Variants in TUB observed in about 807,000 individuals in gnomAD.
TUB encodes the protein tubby protein homolog.
TUB carries 33 observed loss-of-function variants against 59.7 expected under a neutral mutation model. That is an observed-to-expected ratio of 0.55 (90% CI 0.42 to 0.74). The LOEUF is 0.74. Among genes scored for constraint, TUB ranks in the 30% least tolerant of loss-of-function variants. TUB has a pLI of 0.00. For missense variants in TUB, 659 were observed against 672.0 expected, an observed-to-expected ratio of 0.98 and a Z score of 0.21; for synonymous variants, 293 against 256.4, an observed-to-expected ratio of 1.14 and a Z score of -1.36.
intron 1 of TUB, 59 bp downstream of exon 1, chr11:8,081,607 G>A (rs1266324197): frequency 3.4e-6 from 5 of 1,451,810 alleles, no homozygotes; most frequent in Non-Finnish European, 4.5e-6. Context: ...GAGCTGGCTG[G>A]GGATACGCGG....
At chr11:8,057,708 G>C (rs1943042360) in intron 2 of TUB, among the ~76,000 whole-genome samples, 1 of 151,980 alleles carries the variant, frequency 6.6e-6, no homozygotes, top group Non-Finnish European at 1.5e-5. Context: ...TGGAGGCCTG[G>C]GGAGTTTCTT....
chr11:8,049,590 G>GATATAT (rs1318672540), intron 2 of TUB, among the ~76,000 whole-genome samples: 2 of 124,520 alleles, frequency 1.6e-5, no homozygotes, highest in Non-Finnish European at 3.3e-5. Flanking sequence ...TAGATAGATA[G>GATATAT]ATAGATAGAT....
At chr11:8,093,884 A>C (rs1943865842) in intron 3 of TUB, among the ~76,000 whole-genome samples, 162 bp from the exon 4 acceptor site, 1 of 151,984 alleles carries the variant, frequency 6.6e-6, no homozygotes, top group African/African-American at 2.4e-5. Flanking sequence ...CCTAGTAGAG[A>C]TGAGTGGGCC....
chr11:8,024,881 C>T (rs1236517667), intron 1 of TUB, among the ~76,000 whole-genome samples: 4 of 152,226 alleles, frequency 2.6e-5, no homozygotes, highest in Non-Finnish European at 5.9e-5. Flanking sequence ...CATCACTGCG[C>T]AGAACTTGGA....
At chr11:8,101,450 G>T in intron 11 of TUB, 36 bp from the exon 12 acceptor site, 1 of 1,606,750 alleles carries the variant, frequency 6.2e-7, no homozygotes, top group African/African-American at 1.4e-5. Flanking sequence ...TTCCTGTCCT[G>T]TCCTTTTCTC....
Position 8,105,962 on chromosome 11 carries a change from CTGTGTA to C in TUB, c.*4347_*4352del, listed in dbSNP as rs1944583758. ...ACAGCCAGTTTTCACAATGCCTAGA[CTGTGTA>C]TGTCTATTTGCACAAGATTGTCTTT... On this transcript the variant is annotated 3_prime_UTR_variant, in exon 12 of 12. Coordinates refer to ENST00000299506, the MANE Select transcript of TUB (RefSeq NM_177972.3). 6.6e-6 allele frequency: 1 copy of C among 152,080 alleles called. No individual in the cohort carries two copies. Among genetic ancestry groups the C allele is most frequent in the South Asian group, 2.1e-4 (1 of 4,828 alleles). The allele number at this position is 152,080 out of a possible 1,614,324, so 9.4% of individuals were successfully genotyped here. A position where few individuals can be genotyped will look rare whatever the true frequency, so the allele number is the denominator to read the frequency against.
At chr11:8,097,491 T>C (rs1944051445) in intron 7 of TUB, 66 bp downstream of exon 7, 1 of 1,602,202 alleles carries the variant, frequency 6.2e-7, no homozygotes, top group Non-Finnish European at 8.5e-7. Context: ...GGGGCTGAAA[T>C]GTGACTGGAA....
At chr11:8,050,508 C>T (rs1942916746) in intron 2 of TUB, among the ~76,000 whole-genome samples, 1 of 152,174 alleles carries the variant, frequency 6.6e-6, no homozygotes. Context: ...TTTAGCTGTT[C>T]TGGTGAGTGT....
At chr11:8,097,071 A>G (rs1944029096) in intron 6 of TUB, among the ~76,000 whole-genome samples, 157 bp from the exon 7 acceptor site, 1 of 152,038 alleles carries the variant, frequency 6.6e-6, no homozygotes, top group African/African-American at 2.4e-5. Context: ...GGCTGGGAAG[A>G]TAGCTTCTGA....
upstream of TUB, among the ~76,000 whole-genome samples, chr11:8,081,199 C>T (rs1268152169): frequency 6.6e-6 from 1 of 151,504 alleles, no homozygotes; most frequent in Non-Finnish European, 1.5e-5. Flanking sequence ...CAGGCCGCCG[C>T]TGCCACGCAG....
At position 8,100,573 on chromosome 11, in the gene TUB, A is replaced by G. The variant is rs771147672; in HGVS notation, c.1187A>G (p.His396Arg). Reference protein sequence around the residue: ...SVIVPGMNMVHERVSIRPRNE... With the variant: ...SVIVPGMNMVRERVSIRPRNE... The stretch of plus-strand genomic sequence containing the variant: ...ATTGTCCCAGGCATGAACATGGTTC[A>G]TGAGAGAGTCTCTATCCGCCCCCGC... The change falls in exon 10 of 12, where the codon CAT becomes CGT. Residue 396 changes from histidine (H) to arginine (R), a missense_variant. This residue lies in a region of TUB where 226 missense variants were observed against 210.8 expected (regional missense o/e 1.07). Coordinates refer to ENST00000299506, the MANE Select transcript of TUB (RefSeq NM_177972.3). 14 of 1,614,046 alleles carry G rather than the reference A, an allele frequency of 8.7e-6. 1 individual carries two copies. The Admixed American group carries it at 2.0e-4, about 23-fold the overall frequency.
At chr11:8,072,646 G>T (rs975913366) in intron 2 of TUB, among the ~76,000 whole-genome samples, 3 of 152,162 alleles carry the variant, frequency 2.0e-5, no homozygotes, top group Admixed American at 2.0e-4. Flanking sequence ...ACAGACACAC[G>T]TCCCTTCTCA....
At chr11:8,021,216 A>G (rs1942421478) in intron 1 of TUB, among the ~76,000 whole-genome samples, 1 of 152,196 alleles carries the variant, frequency 6.6e-6, no homozygotes, top group East Asian at 1.9e-4. Context: ...TAATCCCAGT[A>G]CTTTGGGAAG....
chr11:8,038,492 C>A, upstream of TUB: 3 of 500,978 alleles, frequency 6.0e-6, no homozygotes, highest in Non-Finnish European at 7.9e-6. Flanking sequence ...CTCGGTGGTT[C>A]CTCCAGATGG....
At chr11:8,063,927 G>C (rs1943182089) in intron 2 of TUB, among the ~76,000 whole-genome samples, 1 of 152,154 alleles carries the variant, frequency 6.6e-6, no homozygotes. Context: ...GTCAGGAGTG[G>C]TGTGGCGAGT....
chr11:8,106,159 A>G lies in TUB; in HGVS notation c.*4540A>G, dbSNP rs923534842. 1.3e-5 allele frequency: 2 copies of G among 152,192 alleles called. No homozygotes were observed. Among genetic ancestry groups the G allele is most frequent in the Non-Finnish European group, 2.9e-5 (2 of 68,022 alleles). 9.4% of individuals were successfully genotyped at this position (152,192 alleles called of 1,614,324 possible). ...GCAATGACAAACTTGGTATTTTCCC[A>G]TGTTGACATTATGTATGTTGTAGAA... On this transcript the variant is annotated 3_prime_UTR_variant, in exon 12 of 12. Transcript: ENST00000299506.
At chr11:8,057,058 C>G (rs192307513) in intron 2 of TUB, among the ~76,000 whole-genome samples, 1 of 152,226 alleles carries the variant, frequency 6.6e-6, no homozygotes, top group East Asian at 1.9e-4. Flanking sequence ...GATCCCAGCT[C>G]TGGCAGCTCA....
chr11:8,085,182 G>T (rs974723360), intron 1 of TUB, among the ~76,000 whole-genome samples: 1 of 152,186 alleles, frequency 6.6e-6, no homozygotes, highest in Non-Finnish European at 1.5e-5. Flanking sequence ...TTTTCTTGTT[G>T]TTCTTTAGAG....
At chr11:8,087,022 G>A (rs537499692) in intron 1 of TUB, among the ~76,000 whole-genome samples, 2 of 152,316 alleles carry the variant, frequency 1.3e-5, no homozygotes, top group African/African-American at 4.8e-5. Flanking sequence ...AGAAAGGAAT[G>A]TTTTCATGGA....
Sources: allele counts gnomAD v4.1 joint callset (sites outside exome capture counted in the v4.1 genomes callset), GRCh38; gene constraint gnomAD v4.1.1; regional missense constraint gnomAD v4.1.1; transcripts MANE v1.5; gene names NCBI Gene and HGNC (gene_info 2026-07-23, HGNC 2026-07-21).